The following SMOC2 variants were observed in gnomAD, a reference collection of about 807,000 sequenced individuals.
SMOC2 encodes SPARC related modular calcium binding 2, also known as SPARC-related modular calcium-binding protein 2.
SMOC2 carries 39 observed loss-of-function variants against 61.4 expected under a neutral mutation model. The ratio of observed to expected loss-of-function variants is 0.64; its 90% confidence interval spans 0.49 to 0.83. The LOEUF is 0.83. Ranked by LOEUF, SMOC2 falls within the 40% of genes least tolerant of loss-of-function variation. The probability of loss-of-function intolerance (pLI) is 0.00; values close to 1 mark genes in which losing one functional copy is unlikely to be tolerated. For synonymous variants in SMOC2, 247 were observed against 239.9 expected (o/e 1.03, Z -0.27); for missense variants, 556 against 592.9 (o/e 0.94, Z 0.65).
At chr6:168,596,598 G>A (rs957812884) in intron 7 of SMOC2, among the ~76,000 whole-genome samples, 4 of 152,204 alleles carry the variant, frequency 2.6e-5, no homozygotes, top group Non-Finnish European at 4.4e-5. Context: ...CTCCGGAGGC[G>A]CAGTTCCATT....
chr6:168,658,785 C>T (rs1190188837), intron 11 of SMOC2, among the ~76,000 whole-genome samples: 3 of 152,142 alleles, frequency 2.0e-5, no homozygotes, highest in Admixed American at 6.5e-5. Context: ...ATGTTCTGTT[C>T]TCCTGGAGGC....
At chr6:168,607,079 C>T (rs1017050986) in intron 8 of SMOC2, among the ~76,000 whole-genome samples, 1 of 152,054 alleles carries the variant, frequency 6.6e-6, no homozygotes, top group Non-Finnish European at 1.5e-5. Flanking sequence ...TCTCCCATCT[C>T]CCGGGAACGC....
chr6:168,579,308 A>G (rs904285481), intron 7 of SMOC2, among the ~76,000 whole-genome samples: 3 of 152,258 alleles, frequency 2.0e-5, no homozygotes, highest in Non-Finnish European at 2.9e-5. Context: ...GAAGTGTTAA[A>G]AAGTGGCCCC....
chr6:168,556,113 C>T (rs1562345183), intron 7 of SMOC2, among the ~76,000 whole-genome samples: 1 of 152,158 alleles, frequency 6.6e-6, no homozygotes, highest in Non-Finnish European at 1.5e-5. Flanking sequence ...TCCAGGCCTT[C>T]CCCTCCCCGC....
At chr6:168,617,219 A>G (rs928183369) in intron 9 of SMOC2, among the ~76,000 whole-genome samples, 1 of 152,088 alleles carries the variant, frequency 6.6e-6, no homozygotes, top group Non-Finnish European at 1.5e-5. Flanking sequence ...GAACAGGAAT[A>G]GAGAAATTAA....
chr6:168,489,541 T>G (rs1201011877), intron 1 of SMOC2, among the ~76,000 whole-genome samples: 3 of 149,790 alleles, frequency 2.0e-5, no homozygotes, highest in African/African-American at 7.5e-5. Context: ...TGTTTTAGAA[T>G]GAAATATATC....
chr6:168,511,811 G>GTTTTTTTTTTTTTTTTTTT lies in SMOC2; in HGVS notation c.256+1727_256+1728insTTTTTTTTTTTTTTTTTTT, dbSNP rs144317852. Among the ~76,000 whole-genome samples, 5 of 130,734 alleles carry GTTTTTTTTTTTTTTTTTTT rather than the reference G, an allele frequency of 3.8e-5. 2 individuals carry two copies. Among genetic ancestry groups the GTTTTTTTTTTTTTTTTTTT allele is most frequent in the African/African-American group, 8.2e-5 (3 of 36,726 alleles). The allele number at this position is 130,734 out of a possible 152,430, so 85.8% of individuals were successfully genotyped here. On this transcript the variant is annotated intron_variant, in intron 2 of 12. Coordinates refer to ENST00000356284, the MANE Select transcript of SMOC2 (RefSeq NM_001166412.2). ...GACAAATGGCTATTCATTATCAAGG[G>GTTTTTTTTTTTTTTTTTTT]TTGTTTTTTTTTTTTTTTCTGAAAT...
intron 9 of SMOC2, among the ~76,000 whole-genome samples, chr6:168,624,924 T>C (rs1429446671): frequency 6.7e-6 from 1 of 148,544 alleles, no homozygotes; most frequent in African/African-American, 2.5e-5. Flanking sequence ...GACACACACA[T>C]CCCCACACAC....
At chr6:168,498,812 T>C (rs9456138) in intron 1 of SMOC2, among the ~76,000 whole-genome samples, 10,681 of 89,530 alleles carry the variant, frequency 0.12, 117 homozygotes, top group Non-Finnish European at 0.17. Context: ...TCTGGGGGGA[T>C]GGCCAGGGCC....
At position 168,535,090 on chromosome 6, in the gene SMOC2, C is replaced by T. The variant is rs1783702291; in HGVS notation, c.463+7363C>T. ...GGTTCAAGCGATTCTCCTGCCTCTG[C>T]CTCCGGAGTAGCTGGGACTACAGGC... On this transcript the variant is annotated intron_variant, in intron 4 of 12. Transcript: ENST00000356284. The surrounding 1 kb of genome is among the most constrained non-coding windows in gnomAD (Gnocchi z 4.6). Among the ~76,000 whole-genome samples the T allele has an allele frequency of 6.6e-6, 1 of 152,036 alleles. No homozygotes were observed. The highest frequency in any genetic ancestry group is 6.6e-5 in the Admixed American group (1 of 15,260).
chr6:168,519,838 A>G (rs1174222103), intron 2 of SMOC2, among the ~76,000 whole-genome samples: 3 of 152,212 alleles, frequency 2.0e-5, no homozygotes, highest in Non-Finnish European at 2.9e-5. Context: ...TAAATATTAT[A>G]AAGGCTGTCT....
intron 1 of SMOC2, among the ~76,000 whole-genome samples, chr6:168,490,060 G>C (rs998931341): frequency 7.6e-4 from 113 of 147,880 alleles, no homozygotes; most frequent in Non-Finnish European, 1.3e-3. Context: ...GTTCCCCTTG[G>C]ATCACACTGT....
intron 7 of SMOC2, among the ~76,000 whole-genome samples, chr6:168,560,360 T>A (rs1452091172): frequency 6.6e-6 from 1 of 152,262 alleles, no homozygotes; most frequent in Non-Finnish European, 1.5e-5. Flanking sequence ...ATATGTTGCG[T>A]CTGCATCAAA....
At chr6:168,666,326 G>A (rs1214208222) in intron 12 of SMOC2, 95 bp from the exon 13 acceptor site, 20 of 1,470,496 alleles carry the variant, frequency 1.4e-5, no homozygotes, top group Non-Finnish European at 1.9e-5. Context: ...GCCCTCTTTG[G>A]TTCAGTTCAT....
chr6:168,551,245 C>T (rs982826954), intron 7 of SMOC2, among the ~76,000 whole-genome samples: 28 of 152,108 alleles, frequency 1.8e-4, no homozygotes, highest in Admixed American at 6.5e-4. Flanking sequence ...CAATGCTGAA[C>T]CGTGAGTCCA....
At chr6:168,481,035 A>G (rs562564234) in intron 1 of SMOC2, among the ~76,000 whole-genome samples, 1 of 152,314 alleles carries the variant, frequency 6.6e-6, no homozygotes, top group South Asian at 2.1e-4. Context: ...TTCCCAGATA[A>G]AAGCTGAGGA....
chr6:168,516,694 C>T lies in SMOC2; in HGVS notation c.256+6608C>T, dbSNP rs74300277. On this transcript the variant is annotated intron_variant, in intron 2 of 12. Transcript: ENST00000356284. ...CAGATTCGAATCTCCACAAGATGAACGCACATGCTGTTATTATTAAGATTA... is the reference window on the plus strand; with the variant it reads ...CAGATTCGAATCTCCACAAGATGAATGCACATGCTGTTATTATTAAGATTA... 1.0e-3 allele frequency among the ~76,000 whole-genome samples: 154 copies of T among 152,280 alleles called. No homozygotes were observed. The East Asian group carries it at 0.025, about 25-fold the overall frequency.
intron 7 of SMOC2, among the ~76,000 whole-genome samples, chr6:168,563,151 G>A (rs1392517930): frequency 6.6e-6 from 1 of 152,224 alleles, no homozygotes; most frequent in East Asian, 1.9e-4. Context: ...TATTCATCGC[G>A]ATCTCTCTGC....
chr6:168,656,751 G>A (rs973877189), intron 11 of SMOC2, among the ~76,000 whole-genome samples: 3 of 152,086 alleles, frequency 2.0e-5, no homozygotes, highest in South Asian at 2.1e-4. Context: ...TCATGGCGAC[G>A]CACTTCCTGC....
Sources: gnomAD v4.1 joint callset for allele counts (sites outside exome capture counted in the v4.1 genomes callset) on GRCh38, gnomAD v4.1.1 for gene constraint, Gnocchi (gnomAD v3.1) non-coding constraint, MANE v1.5 for transcripts, NCBI Gene and HGNC (gene_info 2026-07-23, HGNC 2026-07-21) for gene names.